The following DIP2C variants were observed in gnomAD, a reference collection of about 807,000 sequenced individuals.
DIP2C encodes the protein DIP2 acetate--CoA ligase C (putative), also known as disco-interacting protein 2 homolog C.
DIP2C carries 33 observed loss-of-function variants against 192.4 expected under a neutral mutation model. The observed-to-expected ratio is 0.17, with a 90% CI of 0.13 to 0.23. The LOEUF is 0.23. Ranked by LOEUF, DIP2C falls within the 10% of genes least tolerant of loss-of-function variation. The pLI is 1.00. For missense variants in DIP2C, 1,537 were observed against 2,110.1 expected (o/e 0.73, Z 5.32); for synonymous variants, 979 against 864.1 (o/e 1.13, Z -2.33).
chr10:300,002 T>C (rs181355328), intron 32 of DIP2C, among the ~76,000 whole-genome samples: 56 of 152,120 alleles, frequency 3.7e-4, no homozygotes, highest in Admixed American at 6.5e-4. Context: ...CTCAAAAAAA[T>C]AGAAAACACC....
intron 1 of DIP2C, among the ~76,000 whole-genome samples, chr10:621,459 CTGTA>C (rs1033804517): frequency 2.2e-4 from 34 of 152,116 alleles, no homozygotes; most frequent in Middle Eastern, 3.4e-3. Flanking sequence ...CACACACGCT[CTGTA>C]TGCGCTCACG....
At chr10:424,701 A>G (rs530830379) in intron 4 of DIP2C, among the ~76,000 whole-genome samples, 18 of 152,264 alleles carry the variant, frequency 1.2e-4, no homozygotes, top group East Asian at 3.9e-4. Context: ...AATTTCTATA[A>G]AAGTAAAATT....
chr10:544,698 T>A lies in DIP2C; in HGVS notation c.86-58168A>T, dbSNP rs543432997. 8.5e-5 allele frequency among the ~76,000 whole-genome samples: 13 copies of A among 152,354 alleles called. No individual in the cohort carries two copies. In the East Asian group the frequency reaches 2.3e-3, roughly 27 times the overall value. On this transcript the variant is annotated intron_variant, in intron 1 of 36. Transcript: ENST00000280886. ...CTAAGATGACTAATTCTGTTAAATA[T>A]CTCATGTGCTTTTTAAGGCATTTAT... is the stretch of plus-strand genomic sequence containing the variant.
At chr10:291,177 G>GT (rs1955479444) in intron 32 of DIP2C, among the ~76,000 whole-genome samples, 1 of 152,220 alleles carries the variant, frequency 6.6e-6, no homozygotes, top group Non-Finnish European at 1.5e-5. Flanking sequence ...CCCTCCGGCC[G>GT]TATGTCCTTC....
At chr10:556,912 C>G (rs940526333) in intron 1 of DIP2C, among the ~76,000 whole-genome samples, 5 of 148,814 alleles carry the variant, frequency 3.4e-5, no homozygotes, top group African/African-American at 1.0e-4. Flanking sequence ...CCCATCAAAC[C>G]TACATGCACT....
chr10:284,790 C>G (rs1227635573), intron 34 of DIP2C, among the ~76,000 whole-genome samples: 1 of 152,164 alleles, frequency 6.6e-6, no homozygotes, highest in South Asian at 2.1e-4. Context: ...AGAACTCGGT[C>G]GTGGTAACTG....
intron 1 of DIP2C, among the ~76,000 whole-genome samples, chr10:487,580 T>TTTTTGTTTG (rs1844113993): frequency 7.5e-6 from 1 of 133,580 alleles, no homozygotes; most frequent in Non-Finnish European, 1.6e-5. Context: ...TTTTTTTTTT[T>TTTTTGTTTG]TTTTTTTTTT....
intron 1 of DIP2C, among the ~76,000 whole-genome samples, chr10:674,772 A>ATATATG: frequency 1.9e-4 from 1 of 5,360 alleles, no homozygotes; most frequent in Non-Finnish European, 4.6e-4. Context: ...TCCATCTCAA[A>ATATATG]TATATATATA....
chr10:589,269 C>T (rs1039354441), intron 1 of DIP2C, among the ~76,000 whole-genome samples: 1 of 152,116 alleles, frequency 6.6e-6, no homozygotes, highest in Non-Finnish European at 1.5e-5. Flanking sequence ...ACATCTTCTC[C>T]CTGTCTGCAG....
At chr10:400,534 C>T (rs138980268) in intron 9 of DIP2C, among the ~76,000 whole-genome samples, 522 of 151,552 alleles carry the variant, frequency 3.4e-3, no homozygotes, top group African/African-American at 7.6e-3. Flanking sequence ...TTTTCATCAG[C>T]ACATGAATCC....
intron 18 of DIP2C, among the ~76,000 whole-genome samples, chr10:367,416 G>GA (rs1194728801): frequency 0.018 from 1,929 of 109,204 alleles, 21 homozygotes; most frequent in African/African-American, 0.037. Context: ...CTCCGTCTCA[G>GA]AAAAAAAAAA....
At position 371,142 on chromosome 10, in the gene DIP2C, C is replaced by CCACCATCCCCTCACCCTG. The variant is rs60711130; in HGVS notation, c.1992-1527_1992-1510dup. On this transcript the variant is annotated intron_variant, in intron 17 of 36. Transcript: ENST00000280886. ...AACACAGGTGTTGTCAGTGGTCCTGCCACCATCCCCTCACCCTGCACCATC... is the reference window on the plus strand; with the variant it reads ...AACACAGGTGTTGTCAGTGGTCCTGCCACCATCCCCTCACCCTGCACCATCCCCTCACCCTGCACCATC... 1.9e-3 allele frequency among the ~76,000 whole-genome samples: 279 copies of CCACCATCCCCTCACCCTG among 148,448 alleles called. 5 individuals are homozygous for CCACCATCCCCTCACCCTG. The highest frequency in any genetic ancestry group is 0.014 in the East Asian group (71 of 5,018).
intron 3 of DIP2C, among the ~76,000 whole-genome samples, chr10:443,193 T>G (rs115576052): frequency 0.016 from 2,455 of 152,290 alleles, 74 homozygotes; most frequent in African/African-American, 0.056. Context: ...TATGTACATA[T>G]TCTGTTTTTC....
intron 4 of DIP2C, among the ~76,000 whole-genome samples, chr10:438,436 A>AT (rs944494403): frequency 1.4e-4 from 22 of 152,260 alleles, no homozygotes; most frequent in East Asian, 9.6e-4. Context: ...TACAAATAAC[A>AT]TTTTTTTACC....
intron 9 of DIP2C, among the ~76,000 whole-genome samples, chr10:407,379 GGCT>G (rs955774727): frequency 6.6e-6 from 1 of 152,066 alleles, no homozygotes; most frequent in Non-Finnish European, 1.5e-5. Context: ...TGTGTGAGTC[GGCT>G]GCTATGAGCC....
chr10:472,107 G>T (rs895557184), intron 3 of DIP2C, among the ~76,000 whole-genome samples: 7 of 152,092 alleles, frequency 4.6e-5, no homozygotes, highest in African/African-American at 1.2e-4. Flanking sequence ...ATCACTGATG[G>T]TAAGAAAAAG....
intron 2 of DIP2C, among the ~76,000 whole-genome samples, chr10:474,212 C>G (rs1408142314): frequency 6.6e-6 from 1 of 152,154 alleles, no homozygotes; most frequent in Non-Finnish European, 1.5e-5. Context: ...ATGGACTTAC[C>G]ACATGACTTC....
In DIP2C at chr10:276,122, C is replaced by T. The variant is rs1253426247; in HGVS notation, c.*1203G>A. The stretch of plus-strand genomic sequence containing the variant: ...AACAAAAATGATGAAAAACATTGTG[C>T]AATGAATTCTTGCAGCTAAGAAAAC... On this transcript the variant is annotated 3_prime_UTR_variant, in exon 37 of 37. Coordinates refer to ENST00000280886, the MANE Select transcript of DIP2C (RefSeq NM_014974.3). 1 of 152,642 alleles carries T rather than the reference C, an allele frequency of 6.6e-6. No homozygotes were observed. The highest frequency in any genetic ancestry group is 6.5e-5 in the Admixed American group (1 of 15,282). 9.5% of individuals were successfully genotyped at this position (152,642 alleles called of 1,614,324 possible).
intron 1 of DIP2C, among the ~76,000 whole-genome samples, chr10:610,161 C>A (rs1389491011): frequency 6.6e-6 from 1 of 152,188 alleles, no homozygotes; most frequent in Non-Finnish European, 1.5e-5. Flanking sequence ...AGAGCCCTGT[C>A]ATCCACAACA....
Sources: gnomAD v4.1 joint callset for allele counts (sites outside exome capture counted in the v4.1 genomes callset) on GRCh38, gnomAD v4.1.1 for gene constraint, MANE v1.5 for transcripts, NCBI Gene and HGNC (gene_info 2026-07-23, HGNC 2026-07-21) for gene names.